CHD6: variants seen among roughly 807,000 people sequenced by gnomAD.
CHD6 encodes chromodomain helicase DNA binding protein 6.
A neutral mutation model predicts 276.9 loss-of-function variants in CHD6; 50 were observed. That is an observed-to-expected ratio of 0.18 (90% CI 0.14 to 0.23). The LOEUF (loss-of-function observed/expected upper bound fraction) is 0.23. Among genes scored for constraint, CHD6 ranks in the 10% least tolerant of loss-of-function variants. The pLI is 1.00. For synonymous variants in CHD6, 1,173 were observed against 1,229.3 expected (o/e 0.95, Z 0.96); for missense variants, 2,564 against 3,365.8 (o/e 0.76, Z 5.89).
At chr20:41,425,572 A>G (rs987945529) in intron 28 of CHD6, among the ~76,000 whole-genome samples, 178 bp from the exon 29 acceptor site, 1 of 152,200 alleles carries the variant, frequency 6.6e-6, no homozygotes, top group African/African-American at 2.4e-5. Flanking sequence ...TTTGCCTTGG[A>G]TACAGCTTAT....
chr20:41,599,161 G>C (rs2045748562), intron 1 of CHD6, among the ~76,000 whole-genome samples: 1 of 152,152 alleles, frequency 6.6e-6, no homozygotes, highest in Non-Finnish European at 1.5e-5. Flanking sequence ...GCCATTAAAG[G>C]AATAGCTGAA....
chr20:41,420,801 C>G lies in CHD6; in HGVS notation c.5834G>C (p.Arg1945Thr), dbSNP rs764396894. 6.2e-7 allele frequency: 1 copy of G among 1,614,188 alleles called. No homozygotes were observed. Among genetic ancestry groups the G allele is most frequent in the South Asian group, 1.1e-5 (1 of 91,076 alleles). The change falls in exon 31 of 37, where the codon AGG (arginine) becomes ACG (threonine). Residue 1945 changes from arginine (R) to threonine (T), a missense_variant. Physicochemically the swap from Arg to Thr is moderately conservative, Grantham distance 71. This residue lies in a region of CHD6 where 1,024 missense variants were observed against 1,047.9 expected (regional missense o/e 0.98). Transcript: ENST00000373233. ...ATCATTCTCGAGGCCATGCATCCAC[C>G]TCTCCATGTGTTTGCAGTGGCACTG... ...ACQCHCKHME[R>T]WMHGLENDEF...
chr20:41,454,515 C>A, intron 20 of CHD6, 111 bp downstream of exon 20: 1 of 778,556 alleles, frequency 1.3e-6, no homozygotes. Context: ...GTACAAATAC[C>A]ATTTAAGAAC....
intron 1 of CHD6, among the ~76,000 whole-genome samples, chr20:41,555,354 G>A (rs1169841596): frequency 6.9e-6 from 1 of 144,842 alleles, no homozygotes; most frequent in South Asian, 2.2e-4. Context: ...GGCCGGCCGG[G>A]CGGGGGGCCG....
At chr20:41,590,179 C>T (rs1422234956) in intron 1 of CHD6, among the ~76,000 whole-genome samples, 6 of 152,174 alleles carry the variant, frequency 3.9e-5, no homozygotes, top group South Asian at 4.2e-4. Context: ...AGCTGAAGTT[C>T]GATCCCTTCT....
At position 41,531,003 on chromosome 20, in the gene CHD6, CTG is replaced by C. The variant is rs367904642; in HGVS notation, c.554+2045_554+2046del. Among the ~76,000 whole-genome samples, 228 of 152,324 alleles carry C rather than the reference CTG, an allele frequency of 1.5e-3. 1 individual carries two copies. In the Middle Eastern group the frequency reaches 0.02, roughly 14 times the overall value. On this transcript the variant is annotated intron_variant, in intron 3 of 36. Transcript: ENST00000373233. ...TATTGCTACATTTATATAACAAAGACTGTACATTTTCACTAGACAGAATCCTG... is the reference window on the plus strand; with the variant it reads ...TATTGCTACATTTATATAACAAAGACTACATTTTCACTAGACAGAATCCTG...
At chr20:41,479,527 G>A (rs1176167621) in intron 16 of CHD6, among the ~76,000 whole-genome samples, 2 of 152,054 alleles carry the variant, frequency 1.3e-5, no homozygotes, top group Admixed American at 6.6e-5. Context: ...AGAGCTGGAG[G>A]GGGAAGAAAA....
At chr20:41,498,801 GTATGTA>G (rs752763559) in intron 6 of CHD6, among the ~76,000 whole-genome samples, 168 of 83,282 alleles carry the variant, frequency 2.0e-3, no homozygotes, top group African/African-American at 0.015. Flanking sequence ...ATGTATGTAT[GTATGTA>G]TGTATGTGTG....
At chr20:41,513,239 T>G (rs2903336) in intron 4 of CHD6, among the ~76,000 whole-genome samples, 6 of 151,950 alleles carry the variant, frequency 3.9e-5, no homozygotes, top group African/African-American at 1.5e-4. Context: ...AAAGAAGGGG[T>G]AGTGTCTCAT....
chr20:41,554,294 G>T (rs112988322), intron 1 of CHD6, among the ~76,000 whole-genome samples: 1 of 152,160 alleles, frequency 6.6e-6, no homozygotes, highest in African/African-American at 2.4e-5. Context: ...ACTAGCACTG[G>T]AATAAAAACA....
At chr20:41,443,980 A>T (rs1292389355) in intron 25 of CHD6, among the ~76,000 whole-genome samples, 1 of 152,198 alleles carries the variant, frequency 6.6e-6, no homozygotes, top group East Asian at 1.9e-4. Context: ...TCTACCTGCC[A>T]TACTTCTGGG....
At chr20:41,448,622 C>T (rs181287487) in intron 23 of CHD6, among the ~76,000 whole-genome samples, 6 of 152,278 alleles carry the variant, frequency 3.9e-5, no homozygotes, top group East Asian at 1.9e-4. Context: ...GCCCACAAGC[C>T]GTTATCGTGC....
At chr20:41,444,582 T>C (rs2048006859) in intron 25 of CHD6, among the ~76,000 whole-genome samples, 1 of 152,214 alleles carries the variant, frequency 6.6e-6, no homozygotes, top group South Asian at 2.1e-4. Flanking sequence ...AAAATATGTA[T>C]AGGCATGGTT....
At chr20:41,412,670 C>A (rs2046875646) in intron 35 of CHD6, among the ~76,000 whole-genome samples, 2 of 152,310 alleles carry the variant, frequency 1.3e-5, no homozygotes, top group South Asian at 4.1e-4. Flanking sequence ...TGTGCGCTCT[C>A]TACCTACATA....
intron 35 of CHD6, 123 bp downstream of exon 35, chr20:41,413,201 G>T: frequency 1.5e-6 from 1 of 672,834 alleles, no homozygotes; most frequent in Non-Finnish European, 2.4e-6. Context: ...GATGTTGTCA[G>T]CTGACAGATT....
At chr20:41,553,225 A>G (rs1405952152) in intron 1 of CHD6, among the ~76,000 whole-genome samples, 2 of 152,250 alleles carry the variant, frequency 1.3e-5, no homozygotes, top group African/African-American at 4.8e-5. Flanking sequence ...AAAAAAGGGT[A>G]TTAACAATAA....
rs1288167136 is a variant in CHD6 at position 41,405,045 on chromosome 20, C to T, written c.7696G>A (p.Glu2566Lys). ...STTKSGTAVT[E>K]KTAEDKPSSH... ...CTCGGCTTGTCTTCCGCAGTCTTTT[C>T]AGTCACTGCCGTACCACTTTTCGTT... is the stretch of plus-strand genomic sequence containing the variant. Residue 2566 changes from glutamate (E) to lysine (K), a missense_variant, in exon 37 of 37, where the codon GAA becomes AAA. Around this residue, in one of 7 missense-constraint regions of CHD6, gnomAD observed 238 missense variants for 266.0 expected, o/e 0.89. Coordinates refer to ENST00000373233, the MANE Select transcript of CHD6 (RefSeq NM_032221.5). 2.5e-6 allele frequency: 4 copies of T among 1,614,128 alleles called. No homozygotes were observed. The highest frequency in any genetic ancestry group is 2.5e-6 in the Non-Finnish European group (3 of 1,180,060).
chr20:41,404,762 G>GTCT lies in CHD6; in HGVS notation c.7976_7978dup (p.Lys2659dup). ...GTGGGAGTTGGGGTTGTCCCCCTTT[G>GTCT]TCTTCTTCTTCTTCCTCTTCTGGCT... is the stretch of plus-strand genomic sequence containing the variant. On this transcript the variant is annotated inframe_insertion, in exon 37 of 37. Transcript: ENST00000373233. The GTCT allele has an allele frequency of 6.2e-7, 1 of 1,607,316 alleles. No individual in the cohort carries two copies.
chr20:41,572,179 A>G (rs1171993748), intron 1 of CHD6, among the ~76,000 whole-genome samples: 1 of 152,258 alleles, frequency 6.6e-6, no homozygotes, highest in African/African-American at 2.4e-5. Flanking sequence ...TTTACAGAGC[A>G]CATGATGCTA....
Sources: gnomAD v4.1 joint callset for allele counts (sites outside exome capture counted in the v4.1 genomes callset) on GRCh38, gnomAD v4.1.1 for gene constraint, gnomAD v4.1.1 regional missense constraint, MANE v1.5 for transcripts, NCBI Gene and HGNC (gene_info 2026-07-23, HGNC 2026-07-21) for gene names.